SEMA3E: variants seen among roughly 807,000 people sequenced by gnomAD.
The protein encoded by SEMA3E is semaphorin-3E.
Under a neutral mutation model 93.6 loss-of-function variants are expected in SEMA3E, and 49 were observed. The ratio of observed to expected loss-of-function variants is 0.52; its 90% CI spans 0.42 to 0.66. The LOEUF (loss-of-function observed/expected upper bound fraction) is 0.66. Ranked by LOEUF, SEMA3E falls within the 30% of genes least tolerant of loss-of-function variation. The pLI, the probability that SEMA3E is intolerant of heterozygous loss-of-function variation, is 0.00. For synonymous variants in SEMA3E, 363 were observed against 330.7 expected (o/e 1.10, Z -1.06); for missense variants, 906 against 964.8 (o/e 0.94, Z 0.81).
chr7:83,531,091 GT>G (rs950878393), intron 1 of SEMA3E, among the ~76,000 whole-genome samples: 1 of 151,906 alleles, frequency 6.6e-6, no homozygotes, highest in Non-Finnish European at 1.5e-5. Flanking sequence ...AGCATGAAAA[GT>G]TTTATCTTAG....
intron 1 of SEMA3E, among the ~76,000 whole-genome samples, chr7:83,606,205 A>G (rs909143478): frequency 1.3e-5 from 2 of 152,204 alleles, no homozygotes; most frequent in Non-Finnish European, 2.9e-5. Context: ...GTCTTGGTTT[A>G]CAGAAGGAAG....
intron 1 of SEMA3E, among the ~76,000 whole-genome samples, chr7:83,572,547 G>A (rs1438963657): frequency 6.6e-6 from 1 of 152,078 alleles, no homozygotes; most frequent in African/African-American, 2.4e-5. Context: ...TCTGAGACAG[G>A]AGAATCGCTT....
chr7:83,502,722 G>T (rs1373504572), intron 1 of SEMA3E, among the ~76,000 whole-genome samples: 1 of 152,054 alleles, frequency 6.6e-6, no homozygotes, highest in Non-Finnish European at 1.5e-5. Flanking sequence ...AAATTTGTTT[G>T]GTTGGTTTTT....
chr7:83,645,154 G>A (rs1012935621), intron 1 of SEMA3E, among the ~76,000 whole-genome samples: 2 of 152,004 alleles, frequency 1.3e-5, no homozygotes, highest in East Asian at 3.9e-4. Flanking sequence ...TGAAAGATAA[G>A]GAGAGAACAG....
At chr7:83,554,628 T>C (rs1791844272) in intron 1 of SEMA3E, among the ~76,000 whole-genome samples, 1 of 152,160 alleles carries the variant, frequency 6.6e-6, no homozygotes. Context: ...CCTTTGAATT[T>C]TTCTTTTCAA....
chr7:83,641,627 G>T lies in SEMA3E; in HGVS notation c.115+6801C>A, dbSNP rs143805527. On this transcript the variant is annotated intron_variant, in intron 1 of 16. Coordinates refer to ENST00000643230, the MANE Select transcript of SEMA3E (RefSeq NM_012431.3). ...CTTACAATAACTTACAAACATGAGA[G>T]ACATCAATATTCTTTGCTCCTTCTA... Among the ~76,000 whole-genome samples the T allele has an allele frequency of 2.9e-3, 445 of 152,256 alleles. 2 individuals carry two copies. The highest frequency in any genetic ancestry group is 4.6e-3 in the Non-Finnish European group (310 of 68,002).
At position 83,400,091 on chromosome 7, in the gene SEMA3E, G is replaced by C. The variant is rs752774852; in HGVS notation, c.1303C>G (p.Gln435Glu). ...GCTTCCACTCGATCTACTGCTATTT[G>C]TTTCAGGTTATATTTTCCATCTGTT... ...VKTDGKYNLK[Q>E]IAVDRVEAED... The change falls in exon 11 of 17, where the codon CAA (glutamine) becomes GAA (glutamate). Residue 435 changes from glutamine (Q) to glutamate (E), a missense_variant. Physicochemically the swap from Gln to Glu is conservative, Grantham distance 29. Coordinates refer to ENST00000643230, the MANE Select transcript of SEMA3E (RefSeq NM_012431.3). 7.4e-6 allele frequency: 12 copies of C among 1,613,864 alleles called. No individual in the cohort carries two copies. The Admixed American group carries it at 1.5e-4, about 20-fold the overall frequency.
At chr7:83,383,225 AGTGATTT>A in intron 16 of SEMA3E, among the ~76,000 whole-genome samples, 1 of 56,658 alleles carries the variant, frequency 1.8e-5, no homozygotes, top group East Asian at 6.0e-4. Flanking sequence ...TTGATAAGAA[AGTGATTT>A]CTTATCAAAA....
At chr7:83,492,708 G>C (rs1790410527) in intron 1 of SEMA3E, among the ~76,000 whole-genome samples, 1 of 146,138 alleles carries the variant, frequency 6.8e-6, no homozygotes, top group African/African-American at 2.5e-5. Flanking sequence ...TGATCTTTAT[G>C]TTTATTTATA....
chr7:83,568,368 C>T (rs551349768), intron 1 of SEMA3E, among the ~76,000 whole-genome samples: 1 of 152,214 alleles, frequency 6.6e-6, no homozygotes, highest in South Asian at 2.1e-4. Flanking sequence ...CTCCCTAACT[C>T]ATTCTAAGAG....
At chr7:83,644,907 A>T (rs1794059814) in intron 1 of SEMA3E, among the ~76,000 whole-genome samples, 1 of 152,014 alleles carries the variant, frequency 6.6e-6, no homozygotes, top group South Asian at 2.1e-4. Context: ...TTCTAGGAGA[A>T]CATTTTATGC....
At chr7:83,431,299 AAATT>A (rs1041205261) in intron 4 of SEMA3E, among the ~76,000 whole-genome samples, 9 of 151,990 alleles carry the variant, frequency 5.9e-5, no homozygotes, top group East Asian at 5.8e-4. Flanking sequence ...TGAAATGTAA[AAATT>A]AATTAATGTA....
At chr7:83,604,119 G>A in intron 1 of SEMA3E, among the ~76,000 whole-genome samples, 1 of 137,288 alleles carries the variant, frequency 7.3e-6, no homozygotes, top group South Asian at 2.4e-4. Context: ...CAATTGATAA[G>A]AAGACTCTTT....
chr7:83,510,273 G>A (rs928708061), intron 1 of SEMA3E, among the ~76,000 whole-genome samples: 2 of 152,048 alleles, frequency 1.3e-5, no homozygotes, highest in African/African-American at 2.4e-5. Flanking sequence ...AGATAATAAG[G>A]CATTGTCTTC....
At chr7:83,433,388 C>T (rs961242948) in intron 4 of SEMA3E, among the ~76,000 whole-genome samples, 6 of 152,012 alleles carry the variant, frequency 3.9e-5, no homozygotes, top group Non-Finnish European at 8.8e-5. Context: ...ACTCCTGGAC[C>T]GACTGTTTAC....
intron 1 of SEMA3E, among the ~76,000 whole-genome samples, chr7:83,570,268 T>TA (rs1422969750): frequency 6.6e-6 from 1 of 152,076 alleles, no homozygotes; most frequent in African/African-American, 2.4e-5. Flanking sequence ...ATCAAGAAGT[T>TA]AGAGGCCGGG....
At chr7:83,481,209 G>GT (rs1353631739) in intron 2 of SEMA3E, among the ~76,000 whole-genome samples, 3 of 151,936 alleles carry the variant, frequency 2.0e-5, no homozygotes, top group Non-Finnish European at 2.9e-5. Flanking sequence ...AGGATGTTTT[G>GT]TTTTTCCCTT....
At chr7:83,607,702 G>A (rs560628897) in intron 1 of SEMA3E, among the ~76,000 whole-genome samples, 1 of 152,264 alleles carries the variant, frequency 6.6e-6, no homozygotes, top group East Asian at 1.9e-4. Flanking sequence ...TGTAAAGGAT[G>A]AGTAAGGTTT....
intron 5 of SEMA3E, among the ~76,000 whole-genome samples, chr7:83,417,351 A>C (rs1399181689): frequency 1.3e-5 from 2 of 152,106 alleles, no homozygotes; most frequent in African/African-American, 4.8e-5. Flanking sequence ...GGGAACACAG[A>C]TTCTCAAGAA....
Sources: gnomAD v4.1 joint callset for allele counts (sites outside exome capture counted in the v4.1 genomes callset) on GRCh38, gnomAD v4.1.1 for gene constraint, MANE v1.5 for transcripts, NCBI Gene and HGNC (gene_info 2026-07-23, HGNC 2026-07-21) for gene names.